SMAD4: variants seen among roughly 807,000 people sequenced by gnomAD.
The protein encoded by SMAD4 is MAD homolog 4.
SMAD4 carries 7 observed loss-of-function variants against 63.2 expected under a neutral mutation model. The ratio of observed to expected loss-of-function variants is 0.11; its 90% CI spans 0.06 to 0.21. The LOEUF is 0.21. SMAD4 is among the 10% of genes least tolerant of loss of function. The pLI, the probability that SMAD4 is intolerant of heterozygous loss-of-function variation, is 1.00. For missense variants in SMAD4, 312 were observed against 693.8 expected (o/e 0.45, Z 6.18); for synonymous variants, 215 against 235.4 (o/e 0.91, Z 0.79).
intron 6 of SMAD4, 29 bp from the exon 7 acceptor site, chr18:51,058,311 A>C (rs534795939): frequency 2.5e-6 from 4 of 1,610,728 alleles, no homozygotes; most frequent in Admixed American, 1.7e-5. Flanking sequence ...TATAAAAGCA[A>C]ATTAACCCAT....
At chr18:51,049,477 C>CATTTAAAACTGG in intron 4 of SMAD4, 153 bp downstream of exon 4, 1 of 645,306 alleles carries the variant, frequency 1.5e-6, no homozygotes, top group Non-Finnish European at 2.8e-6. Context: ...AGGTTAGGGG[C>CATTTAAAACTGG]ATTTAAAACT....
chr18:51,064,631 CT>C (rs931039802), intron 8 of SMAD4, among the ~76,000 whole-genome samples: 72 of 152,314 alleles, frequency 4.7e-4, no homozygotes, highest in African/African-American at 1.7e-3. Context: ...GATCAGTTGT[CT>C]TTGTAAACCA....
At chr18:51,038,054 G>A (rs183978416) in intron 1 of SMAD4, among the ~76,000 whole-genome samples, 73 of 152,208 alleles carry the variant, frequency 4.8e-4, no homozygotes, top group African/African-American at 1.7e-3. Flanking sequence ...TGTGGGAGGC[G>A]GAGGTGGGAG....
chr18:51,069,191 A>T (rs1910250118), intron 10 of SMAD4, among the ~76,000 whole-genome samples: 1 of 152,174 alleles, frequency 6.6e-6, no homozygotes, highest in Non-Finnish European at 1.5e-5. Flanking sequence ...ATCTTGGCTC[A>T]CTGCAACCTC....
rs1266965401 is a variant in SMAD4, at chr18:51,080,172, G to A, written c.*1705G>A. On this transcript the variant is annotated 3_prime_UTR_variant, in exon 12 of 12. Coordinates refer to ENST00000342988, the MANE Select transcript of SMAD4 (RefSeq NM_005359.6). Reference sequence around the variant, plus strand: ...CCTTATATCACCTGGAATGAACACAGCTTCTACTGCCTTGCTCAGAAGGTC... The same window carrying A: ...CCTTATATCACCTGGAATGAACACAACTTCTACTGCCTTGCTCAGAAGGTC... 1 of 232,388 alleles carries A rather than the reference G, an allele frequency of 4.3e-6. No individual in the cohort carries two copies. Among genetic ancestry groups the A allele is most frequent in the Admixed American group, 5.6e-5 (1 of 17,768 alleles). The allele number at this position is 232,388 out of a possible 1,614,324, so 14.4% of individuals were successfully genotyped here.
chr18:51,051,223 T>A, intron 4 of SMAD4: 1 of 342,650 alleles, frequency 2.9e-6, no homozygotes, highest in South Asian at 2.4e-5. Context: ...CTAAAATTAT[T>A]GATGCACTGT....
At chr18:51,055,079 A>C in intron 5 of SMAD4, 86 bp downstream of exon 5, 2 of 964,034 alleles carry the variant, frequency 2.1e-6, no homozygotes, top group Non-Finnish European at 3.4e-6. Flanking sequence ...GGGAAACTCC[A>C]AGTAAGTAAA....
At chr18:51,051,749 AGTG>A (rs1909719635) in intron 4 of SMAD4, among the ~76,000 whole-genome samples, 1 of 152,172 alleles carries the variant, frequency 6.6e-6, no homozygotes, top group Non-Finnish European at 1.5e-5. Flanking sequence ...AGGTGGGCCC[AGTG>A]GTTTCAGCTT....
chr18:51,074,212 C>CAAA (rs533055652), intron 10 of SMAD4, among the ~76,000 whole-genome samples: 1 of 88,110 alleles, frequency 1.1e-5, no homozygotes. Flanking sequence ...TCATCTCTAC[C>CAAA]AAAAAAAAAA....
intron 5 of SMAD4, among the ~76,000 whole-genome samples, chr18:51,055,620 A>T (rs1909824709): frequency 6.6e-6 from 1 of 151,836 alleles, no homozygotes; most frequent in Non-Finnish European, 1.5e-5. Flanking sequence ...TGGGGGCATG[A>T]TCATATGACC....
At chr18:51,046,611 T>A (rs563554597) in intron 1 of SMAD4, among the ~76,000 whole-genome samples, 3 of 152,074 alleles carry the variant, frequency 2.0e-5, no homozygotes, top group Non-Finnish European at 4.4e-5. Context: ...AGATTTTCCT[T>A]TAGGGTGACT....
At chr18:51,042,301 T>TCCCTCCCTCCCTCCCTCCC (rs1568201615) in intron 1 of SMAD4, among the ~76,000 whole-genome samples, 15 of 60,744 alleles carry the variant, frequency 2.5e-4, no homozygotes, top group African/African-American at 6.6e-4. Flanking sequence ...CCCTCCCTCC[T>TCCCTCCCTCCCTCCCTCCC]TCCCTCCCTC....
chr18:51,070,085 C>G (rs1486347173), intron 10 of SMAD4, among the ~76,000 whole-genome samples: 2 of 152,138 alleles, frequency 1.3e-5, no homozygotes, highest in Non-Finnish European at 2.9e-5. Context: ...ACCCACTTAA[C>G]CCATCTTGAC....
In SMAD4 at chr18:51,059,855, C is replaced by T. The variant is rs1224432139; in HGVS notation, c.905-11C>T. On this transcript the variant is annotated splice_polypyrimidine_tract_variant and intron_variant, in intron 7 of 11. Coordinates refer to ENST00000342988, the MANE Select transcript of SMAD4 (RefSeq NM_005359.6). ...TAAATAAAAATGGAATTTTTGTTGT[C>T]TTTTCTTTAGGGCCTGTTCACAATG... 6.2e-7 allele frequency: 1 copy of T among 1,610,446 alleles called. No homozygotes were observed. Among genetic ancestry groups the T allele is most frequent in the Non-Finnish European group, 8.5e-7 (1 of 1,176,882 alleles).
rs1163123489 is a variant in SMAD4 at position 51,079,443 on chromosome 18, A to C, written c.*976A>C. On this transcript the variant is annotated 3_prime_UTR_variant, in exon 12 of 12. Coordinates refer to ENST00000342988, the MANE Select transcript of SMAD4 (RefSeq NM_005359.6). ...TGGAAACTGCTAAATTCTATGTTAA[A>C]TACTGTGCAGAATAATGGAAACATT... 4.3e-6 allele frequency: 1 copy of C among 233,384 alleles called. No individual in the cohort carries two copies. Among genetic ancestry groups the C allele is most frequent in the Non-Finnish European group, 8.5e-6 (1 of 117,944 alleles). 14.5% of individuals were successfully genotyped at this position (233,384 alleles called of 1,614,324 possible).
At position 51,085,024 on chromosome 18, in the gene SMAD4, A is replaced by G. The variant is rs981777732; in HGVS notation, c.*6557A>G. On this transcript the variant is annotated 3_prime_UTR_variant, in exon 12 of 12. Coordinates refer to ENST00000342988, the MANE Select transcript of SMAD4 (RefSeq NM_005359.6). ...CTGTAACAAAGTATGTTTTTGATTA[A>G]AAGAGAAAGCCAACTAAATCATTAT... 1 of 196,616 alleles carries G rather than the reference A, an allele frequency of 5.1e-6. No homozygotes were observed. Among genetic ancestry groups the G allele is most frequent in the African/African-American group, 2.3e-5 (1 of 43,270 alleles). The allele number at this position is 196,616 out of a possible 1,614,324, so 12.2% of individuals were successfully genotyped here. A position where few individuals can be genotyped will look rare whatever the true frequency, so the allele number is the denominator to read the frequency against.
intron 1 of SMAD4, among the ~76,000 whole-genome samples, chr18:51,039,899 CT>C (rs1016564783): frequency 1.3e-5 from 2 of 151,968 alleles, no homozygotes; most frequent in African/African-American, 4.8e-5. Context: ...TAAAAAAAAA[CT>C]TTTTGTTGCT....
intron 5 of SMAD4, among the ~76,000 whole-genome samples, chr18:51,055,530 T>TA (rs11419287): frequency 0.38 from 56,047 of 148,066 alleles, 10,414 homozygotes; most frequent in East Asian, 0.44. Flanking sequence ...TATGTGTAAT[T>TA]AAAAAAAAAA....
chr18:51,043,517 T>C (rs188293692), intron 1 of SMAD4, among the ~76,000 whole-genome samples: 49 of 152,328 alleles, frequency 3.2e-4, no homozygotes, highest in African/African-American at 1.1e-3. Flanking sequence ...CTAGAACCAT[T>C]TAATGTAGGA....
Sources: allele counts gnomAD v4.1 joint callset (sites outside exome capture counted in the v4.1 genomes callset), GRCh38; gene constraint gnomAD v4.1.1; transcripts MANE v1.5; gene names NCBI Gene and HGNC (gene_info 2026-07-23, HGNC 2026-07-21).